The following SLC5A3 variants were observed in gnomAD, a reference collection of about 807,000 sequenced individuals.
The protein encoded by SLC5A3 is sodium/myo-inositol cotransporter.
Under a neutral mutation model 43.2 loss-of-function variants are expected in SLC5A3, and 10 were observed. That is an observed-to-expected ratio of 0.23 (90% CI 0.14 to 0.39). SLC5A3 has a LOEUF of 0.39. Among genes scored for constraint, SLC5A3 ranks in the 10% least tolerant of loss-of-function variants. SLC5A3 has a pLI of 1.00. For missense variants in SLC5A3, 608 were observed against 893.4 expected (o/e 0.68, Z 4.07); for synonymous variants, 349 against 322.0 (o/e 1.08, Z -0.90).
In SLC5A3 at chr21:34,103,146, G is replaced by A. The variant is rs1979321984; in HGVS notation, c.*5791G>A. The A allele has an allele frequency of 1.0e-6, 1 of 999,698 alleles. No individual in the cohort carries two copies. Among genetic ancestry groups the A allele is most frequent in the East Asian group, 1.1e-4 (1 of 8,816 alleles). 61.9% of individuals were successfully genotyped at this position (999,698 alleles called of 1,614,324 possible). On this transcript the variant is annotated 3_prime_UTR_variant, in exon 2 of 2. Transcript: ENST00000381151. The stretch of plus-strand genomic sequence containing the variant: ...ATTGCAGAAATCCCAAACTGGCAAA[G>A]GCCAGTATATATGGTATTCCATAAT...
chr21:34,103,125 C>T lies in SLC5A3; in HGVS notation c.*5770C>T. 2 of 999,988 alleles carry T rather than the reference C, an allele frequency of 2.0e-6. No individual in the cohort carries two copies. The highest frequency in any genetic ancestry group is 2.4e-6 in the Non-Finnish European group (2 of 829,866). 61.9% of individuals were successfully genotyped at this position (999,988 alleles called of 1,614,324 possible). On this transcript the variant is annotated 3_prime_UTR_variant, in exon 2 of 2. Transcript: ENST00000381151. ...ACAGAAACGAGGCTTATTGCTATTGCAGAAATCCCAAACTGGCAAAGGCCA... is the reference window on the plus strand; with the variant it reads ...ACAGAAACGAGGCTTATTGCTATTGTAGAAATCCCAAACTGGCAAAGGCCA...
At chr21:34,091,978 G>A (rs1978719878) in intron 1 of SLC5A3, among the ~76,000 whole-genome samples, 3 of 151,980 alleles carry the variant, frequency 2.0e-5, no homozygotes, top group African/African-American at 4.8e-5. Flanking sequence ...GTGACAAAAA[G>A]CATATATAAA....
chr21:34,079,961 T>TG (rs1989422718), intron 1 of SLC5A3, among the ~76,000 whole-genome samples: 1 of 152,176 alleles, frequency 6.6e-6, no homozygotes, highest in East Asian at 1.9e-4. Context: ...TTCTGTCATC[T>TG]GGGGCTGAAC....
chr21:34,102,077 T>C lies in SLC5A3; in HGVS notation c.*4722T>C. 1 of 1,000,040 alleles carries C rather than the reference T, an allele frequency of 1.0e-6. No individual in the cohort carries two copies. The allele number at this position is 1,000,040 out of a possible 1,614,324, so 61.9% of individuals were successfully genotyped here. A position where few individuals can be genotyped will look rare whatever the true frequency, so the allele number is the denominator to read the frequency against. ...AAAGGTAATCTTTCGATTGCTAGAC[T>C]TGGTTAACTTAGGGCTGCAAATCTT... On this transcript the variant is annotated 3_prime_UTR_variant, in exon 2 of 2. Transcript: ENST00000381151.
At chr21:34,091,687 G>A (rs1305397130) in intron 1 of SLC5A3, among the ~76,000 whole-genome samples, 1 of 152,142 alleles carries the variant, frequency 6.6e-6, no homozygotes, top group Non-Finnish European at 1.5e-5. Context: ...CTAATTCTGT[G>A]CAAAACAATA....
rs1328563735 is a variant in SLC5A3, at chr21:34,100,980, A to G, written c.*3625A>G. On this transcript the variant is annotated 3_prime_UTR_variant, in exon 2 of 2. Transcript: ENST00000381151. ...ATGATTCTCCTGGCTCATTTTCATC[A>G]GAGGCATGATGACTGGAAAGGGATC... is the stretch of plus-strand genomic sequence containing the variant. 2.0e-6 allele frequency: 2 copies of G among 1,000,056 alleles called. No homozygotes were observed. The highest frequency in any genetic ancestry group is 2.4e-6 in the Non-Finnish European group (2 of 829,946). The allele number at this position is 1,000,056 out of a possible 1,614,324, so 61.9% of individuals were successfully genotyped here. A position where few individuals can be genotyped will look rare whatever the true frequency, so the allele number is the denominator to read the frequency against.
At chr21:34,076,009 G>T (rs1396421947) in intron 1 of SLC5A3, among the ~76,000 whole-genome samples, 2 of 152,152 alleles carry the variant, frequency 1.3e-5, no homozygotes, top group Non-Finnish European at 2.9e-5. Context: ...TCAAAGTTGC[G>T]TATCTTCCAC....
intron 1 of SLC5A3, among the ~76,000 whole-genome samples, chr21:34,084,126 TA>T (rs1726075259): frequency 6.8e-6 from 1 of 148,096 alleles, no homozygotes; most frequent in South Asian, 2.1e-4. Flanking sequence ...TCTTACTTCT[TA>T]CTTCTTGAGT....
At position 34,073,714 on chromosome 21, in the gene SLC5A3, A is replaced by C. The variant is rs1159487481; in HGVS notation, c.-368A>C. 2.6e-6 allele frequency: 4 copies of C among 1,528,142 alleles called. No homozygotes were observed. The highest frequency in any genetic ancestry group is 2.7e-6 in the Non-Finnish European group (3 of 1,131,460). 94.7% of individuals were successfully genotyped at this position (1,528,142 alleles called of 1,614,324 possible). A position where few individuals can be genotyped will look rare whatever the true frequency, so the allele number is the denominator to read the frequency against. ...GATCCTCCAGGCATGCCCCGCTACG[A>C]GCTGGCTTTAATCCTGAAAGCCATG... is the stretch of plus-strand genomic sequence containing the variant. On this transcript the variant is annotated 5_prime_UTR_variant, in exon 1 of 2. Transcript: ENST00000381151.
intron 1 of SLC5A3, among the ~76,000 whole-genome samples, chr21:34,090,804 C>G (rs1978645806): frequency 6.6e-6 from 1 of 152,038 alleles, no homozygotes; most frequent in Non-Finnish European, 1.5e-5. Flanking sequence ...GAAGTTGTTG[C>G]CTGAGATCCT....
intron 1 of SLC5A3, among the ~76,000 whole-genome samples, chr21:34,082,176 A>T (rs989264082): frequency 1.3e-5 from 2 of 152,056 alleles, no homozygotes; most frequent in African/African-American, 4.8e-5. Flanking sequence ...AATTAGCTGT[A>T]GGTTGTCTGT....
rs1194205349 is a variant in SLC5A3 at position 34,096,305 on chromosome 21, A to G, written c.1107A>G (p.Ala369=). 1.2e-6 allele frequency: 2 copies of G among 1,614,106 alleles called. No homozygotes were observed. Among genetic ancestry groups the G allele is most frequent in the South Asian group, 1.1e-5 (1 of 91,086 alleles). Residue 369 remains alanine, a synonymous_variant, in exon 2 of 2, where the codon GCA becomes GCG. Transcript: ENST00000381151. The surrounding 1 kb of genome is among the most constrained non-coding windows in gnomAD (Gnocchi z 5.9). ...TGGGCCTTCGGGGTTTAATGATGGC[A>G]GTGATGATTGCAGCTCTGATGAGTG... The part of the protein sequence containing the change: ...VPVGLRGLMM[A]VMIAALMSDL...
chr21:34,100,215 A>G lies in SLC5A3; in HGVS notation c.*2860A>G. 1.0e-6 allele frequency: 1 copy of G among 1,000,250 alleles called. No homozygotes were observed. The allele number at this position is 1,000,250 out of a possible 1,614,324, so 62.0% of individuals were successfully genotyped here. On this transcript the variant is annotated 3_prime_UTR_variant, in exon 2 of 2. Coordinates refer to ENST00000381151, the MANE Select transcript of SLC5A3 (RefSeq NM_006933.7). The stretch of plus-strand genomic sequence containing the variant: ...AAATGTCTTACCAGGTGTTAATGGT[A>G]TCCCCAGTTCTTAGACTTTTGTCTT...
chr21:34,082,431 T>C (rs147276035), intron 1 of SLC5A3, among the ~76,000 whole-genome samples: 1 of 152,216 alleles, frequency 6.6e-6, no homozygotes, highest in Non-Finnish European at 1.5e-5. Flanking sequence ...TGATATCTTG[T>C]TTTAGGCATG....
In SLC5A3 at chr21:34,105,186, G is replaced by GT. The variant is rs1979421319; in HGVS notation, c.*7831_*7832insT. On this transcript the variant is annotated 3_prime_UTR_variant, in exon 2 of 2. Coordinates refer to ENST00000381151, the MANE Select transcript of SLC5A3 (RefSeq NM_006933.7). ...CTGTTACTGCTTCAGTTTATAGATTGCCAGCAGAGTTCAGAAATAGAGCAG... is the reference window on the plus strand; with the variant it reads ...CTGTTACTGCTTCAGTTTATAGATTGTCCAGCAGAGTTCAGAAATAGAGCAG... The GT allele has an allele frequency of 1.0e-6, 1 of 1,000,138 alleles. No individual in the cohort carries two copies. The highest frequency in any genetic ancestry group is 1.2e-6 in the Non-Finnish European group (1 of 829,918). 62.0% of individuals were successfully genotyped at this position (1,000,138 alleles called of 1,614,324 possible).
rs1185269716 is a variant in SLC5A3 at position 34,096,497 on chromosome 21, A to G, written c.1299A>G (p.Gln433=). The G allele has an allele frequency of 3.7e-6, 6 of 1,614,172 alleles. No individual in the cohort carries two copies. The highest frequency in any genetic ancestry group is 5.1e-6 in the Non-Finnish European group (6 of 1,180,014). The change falls in exon 2 of 2, where the codon CAA becomes CAG. Residue 433 remains glutamine, a synonymous_variant. Coordinates refer to ENST00000381151, the MANE Select transcript of SLC5A3 (RefSeq NM_006933.7). The surrounding 1 kb of genome is among the most constrained non-coding windows in gnomAD (Gnocchi z 5.9). The part of the protein sequence containing the change: ...IAWVPIIVEM[Q]GGQMYLYIQE... ...GGGTGCCAATCATCGTGGAGATGCA[A>G]GGAGGCCAGATGTACCTTTACATTC...
chr21:34,074,059 G>T (rs1291755044), intron 1 of SLC5A3, among the ~76,000 whole-genome samples: 2 of 145,572 alleles, frequency 1.4e-5, no homozygotes, highest in Non-Finnish European at 3.1e-5. Flanking sequence ...CCCGGCGCCG[G>T]CCCGCGGGAG....
chr21:34,082,831 A>G (rs534389246), intron 1 of SLC5A3, among the ~76,000 whole-genome samples: 44 of 152,262 alleles, frequency 2.9e-4, no homozygotes, highest in African/African-American at 1.0e-3. Flanking sequence ...TTTTGGCCCA[A>G]GGTGTAATTG....
rs181050761 is a variant in SLC5A3 at position 34,073,675 on chromosome 21, G to A, written c.-407G>A. Reference sequence around the variant, plus strand: ...GCGTCCCGGGAACCGGCTGGCTTCCGAGCCGCACTCGCCGATCCTCCAGGC... The same window carrying A: ...GCGTCCCGGGAACCGGCTGGCTTCCAAGCCGCACTCGCCGATCCTCCAGGC... On this transcript the variant is annotated 5_prime_UTR_variant, in exon 1 of 2. Coordinates refer to ENST00000381151, the MANE Select transcript of SLC5A3 (RefSeq NM_006933.7). 9.4e-5 allele frequency: 142 copies of A among 1,514,898 alleles called. 3 individuals carry two copies. In the East Asian group the frequency reaches 2.3e-3, roughly 25 times the overall value. 93.8% of individuals were successfully genotyped at this position (1,514,898 alleles called of 1,614,324 possible).
Sources: allele counts gnomAD v4.1 joint callset (sites outside exome capture counted in the v4.1 genomes callset), GRCh38; gene constraint gnomAD v4.1.1; non-coding constraint Gnocchi (gnomAD v3.1); transcripts MANE v1.5; gene names NCBI Gene and HGNC (gene_info 2026-07-23, HGNC 2026-07-21).